Variants in SYT16 observed in about 807,000 individuals in gnomAD.
SYT16 encodes the protein synaptotagmin 16, also known as synaptotagmin-16.
In SYT16, 42 loss-of-function variants were observed where a neutral mutation model predicts 61.4. That is an observed-to-expected ratio of 0.68 (90% CI 0.53 to 0.89). The LOEUF is 0.89. SYT16 is among the 40% of genes least tolerant of loss of function. SYT16 has a pLI of 0.00. For synonymous variants in SYT16, 314 were observed against 302.3 expected, an observed-to-expected ratio of 1.04 and a Z score of -0.40; for missense variants, 804 against 807.3, an observed-to-expected ratio of 1.00 and a Z score of 0.05.
chr14:61,939,493 T>C (rs1355769073), intron 1 of SYT16, among the ~76,000 whole-genome samples: 2 of 152,244 alleles, frequency 1.3e-5, no homozygotes, highest in Non-Finnish European at 2.9e-5. Context: ...GTCCGCATGA[T>C]TGGATCCATT....
intron 3 of SYT16, among the ~76,000 whole-genome samples, chr14:62,024,308 A>G (rs768550270): frequency 2.0e-5 from 3 of 152,156 alleles, no homozygotes; most frequent in Admixed American, 6.6e-5. Context: ...GGTAAATACC[A>G]GAAGAATCAG....
chr14:62,050,627 TGG>T, intron 3 of SYT16, among the ~76,000 whole-genome samples: 1 of 152,340 alleles, frequency 6.6e-6, no homozygotes, highest in Admixed American at 6.5e-5. Context: ...TCTTTGATGA[TGG>T]TGACGTACAG....
chr14:62,001,461 A>G (rs1027043638), intron 3 of SYT16, among the ~76,000 whole-genome samples: 3 of 152,010 alleles, frequency 2.0e-5, no homozygotes, highest in Non-Finnish European at 4.4e-5. Flanking sequence ...ATTTTTCTGC[A>G]TGTAATATGT....
At chr14:61,863,714 A>G (rs564120274) in intron 1 of SYT16, among the ~76,000 whole-genome samples, 4 of 152,150 alleles carry the variant, frequency 2.6e-5, no homozygotes, top group South Asian at 4.1e-4. Flanking sequence ...ATTTTCTCCT[A>G]TGTTATCTTC....
At chr14:62,002,938 T>C (rs1014039720) in intron 3 of SYT16, among the ~76,000 whole-genome samples, 7 of 152,006 alleles carry the variant, frequency 4.6e-5, no homozygotes, top group Non-Finnish European at 8.8e-5. Flanking sequence ...GAATGAGAGC[T>C]GAGTAAAGGG....
At chr14:61,911,111 C>T (rs1407653662) in intron 1 of SYT16, among the ~76,000 whole-genome samples, 1 of 152,154 alleles carries the variant, frequency 6.6e-6, no homozygotes, top group Non-Finnish European at 1.5e-5. Context: ...ATTTTTATGA[C>T]TAAAATTTGT....
chr14:61,996,117 A>AT lies in SYT16; in HGVS notation c.99dup (p.Met34TyrfsTer8). 1 of 1,613,284 alleles carries AT rather than the reference A, an allele frequency of 6.2e-7. No individual in the cohort carries two copies. Among genetic ancestry groups the AT allele is most frequent in the Non-Finnish European group, 8.5e-7 (1 of 1,179,508 alleles). ...TATGAAGCTCTCCAGCAAGCAGGAG[A>AT]TATGTTATCTGCTTCGCTGGTTAAC... On this transcript the variant is annotated frameshift_variant, in exon 3 of 8. Coordinates refer to ENST00000683842, the MANE Select transcript of SYT16 (RefSeq NM_001367656.1). LOFTEE classifies it high-confidence loss of function.
At chr14:62,043,713 T>C (rs2054841711) in intron 3 of SYT16, among the ~76,000 whole-genome samples, 1 of 150,872 alleles carries the variant, frequency 6.6e-6, no homozygotes, top group African/African-American at 2.4e-5. Context: ...AGCCTTGATG[T>C]TGAAGTTTTT....
intron 3 of SYT16, among the ~76,000 whole-genome samples, chr14:62,039,869 A>ACACACC (rs2054653639): frequency 7.0e-6 from 1 of 142,542 alleles, no homozygotes; most frequent in Admixed American, 7.0e-5. Flanking sequence ...ACACACACAC[A>ACACACC]CACACACACG....
Position 62,056,623 on chromosome 14 carries a change from A to C in SYT16, c.524-12980A>C, listed in dbSNP as rs541430472. ...AACGCACGTAGATGTTCCTGCATAGACTTTCTTTGTAGACACATAAGAAAC... is the reference window on the plus strand; with the variant it reads ...AACGCACGTAGATGTTCCTGCATAGCCTTTCTTTGTAGACACATAAGAAAC... On this transcript the variant is annotated intron_variant, in intron 3 of 7. Coordinates refer to ENST00000683842, the MANE Select transcript of SYT16 (RefSeq NM_001367656.1). 2.0e-5 allele frequency among the ~76,000 whole-genome samples: 3 copies of C among 152,330 alleles called. No individual in the cohort carries two copies. The East Asian group carries it at 5.8e-4, about 29-fold the overall frequency.
At chr14:62,046,939 T>C (rs941165050) in intron 3 of SYT16, among the ~76,000 whole-genome samples, 2 of 152,228 alleles carry the variant, frequency 1.3e-5, no homozygotes, top group Non-Finnish European at 2.9e-5. Context: ...CAATGCGGGC[T>C]CTTTTTTGGT....
At chr14:62,056,994 T>G (rs1331930140) in intron 3 of SYT16, among the ~76,000 whole-genome samples, 8 of 152,026 alleles carry the variant, frequency 5.3e-5, no homozygotes, top group Admixed American at 5.2e-4. Context: ...TGAGCCGCGC[T>G]GGGGGGCACG....
intron 1 of SYT16, among the ~76,000 whole-genome samples, chr14:61,851,936 G>A (rs748003362): frequency 6.6e-6 from 1 of 151,998 alleles, no homozygotes; most frequent in Non-Finnish European, 1.5e-5. Flanking sequence ...TTTTGCTTTC[G>A]TTGCAATTGC....
chr14:62,104,269 A>G lies in SYT16; in HGVS notation c.*3562A>G, dbSNP rs540789620. Reference sequence around the variant, plus strand: ...GGAAAGTATTATTTGTAAATGTCATAAAACCAGATGGAGGCATATTCTTTA... The same window carrying G: ...GGAAAGTATTATTTGTAAATGTCATGAAACCAGATGGAGGCATATTCTTTA... On this transcript the variant is annotated 3_prime_UTR_variant, in exon 8 of 8. Transcript: ENST00000683842. The G allele has an allele frequency of 9.8e-5, 15 of 152,360 alleles. No individual in the cohort carries two copies. Among genetic ancestry groups the G allele is most frequent in the Admixed American group, 7.8e-4 (12 of 15,302 alleles). The allele number at this position is 152,360 out of a possible 1,614,324, so 9.4% of individuals were successfully genotyped here. A position where few individuals can be genotyped will look rare whatever the true frequency, so the allele number is the denominator to read the frequency against.
At chr14:62,000,776 TG>T (rs2052982527) in intron 3 of SYT16, among the ~76,000 whole-genome samples, 1 of 152,136 alleles carries the variant, frequency 6.6e-6, no homozygotes, top group Admixed American at 6.6e-5. Context: ...GAAATAATAC[TG>T]TACTATTTCA....
intron 1 of SYT16, among the ~76,000 whole-genome samples, chr14:61,908,685 A>G (rs1740519676): frequency 6.6e-6 from 1 of 152,198 alleles, no homozygotes; most frequent in South Asian, 2.1e-4. Context: ...CAGGTCATGA[A>G]CATCTTTTTC....
intron 2 of SYT16, among the ~76,000 whole-genome samples, chr14:61,979,203 T>G (rs2051949701): frequency 6.6e-6 from 1 of 152,074 alleles, no homozygotes; most frequent in African/African-American, 2.4e-5. Context: ...AGGAGTGGTC[T>G]TATTATTATT....
chr14:62,064,949 A>C (rs1412173869), intron 3 of SYT16, among the ~76,000 whole-genome samples: 1 of 152,168 alleles, frequency 6.6e-6, no homozygotes, highest in African/African-American at 2.4e-5. Context: ...AAGAGATCGC[A>C]AGTTTCATTT....
intron 3 of SYT16, among the ~76,000 whole-genome samples, chr14:62,014,772 T>C (rs1347668388): frequency 6.6e-6 from 1 of 152,102 alleles, no homozygotes; most frequent in Non-Finnish European, 1.5e-5. Context: ...CTTTTATTCA[T>C]TCTTGAGTTT....
Sources: gnomAD v4.1 joint callset for allele counts (sites outside exome capture counted in the v4.1 genomes callset) on GRCh38, gnomAD v4.1.1 for gene constraint, MANE v1.5 for transcripts, NCBI Gene and HGNC (gene_info 2026-07-23, HGNC 2026-07-21) for gene names.